The following MCC variants were observed in gnomAD, a reference collection of about 807,000 sequenced individuals.
MCC encodes the protein MCC regulator of Wnt signaling pathway.
In MCC, 90 loss-of-function variants were observed where a neutral mutation model predicts 116.2. The observed-to-expected ratio is 0.77, with a 90% confidence interval of 0.65 to 0.92. MCC has a LOEUF of 0.92. Among genes scored for constraint, MCC ranks in the 40% least tolerant of loss-of-function variants. MCC has a pLI of 0.00. For missense variants in MCC, 1,516 were observed against 1,312.2 expected (o/e 1.16, Z -2.40); for synonymous variants, 578 against 510.5 (o/e 1.13, Z -1.78).
At chr5:113,480,809 C>T (rs1365192705) in intron 1 of MCC, among the ~76,000 whole-genome samples, 1 of 152,120 alleles carries the variant, frequency 6.6e-6, no homozygotes, top group African/African-American at 2.4e-5. Context: ...CAGTGTCTTG[C>T]TCTGTTGCCC....
intron 5 of MCC, among the ~76,000 whole-genome samples, chr5:113,127,365 C>CAAGTA (rs1758119122): frequency 2.0e-5 from 3 of 152,108 alleles, no homozygotes; most frequent in Non-Finnish European, 2.9e-5. Flanking sequence ...TGGTATATAC[C>CAAGTA]CAGTAATGTG....
chr5:113,145,626 C>T (rs567822899), intron 4 of MCC, among the ~76,000 whole-genome samples: 1 of 152,226 alleles, frequency 6.6e-6, no homozygotes, highest in East Asian at 1.9e-4. Context: ...CTTCAGCATC[C>T]CTACTGACTG....
At chr5:113,433,805 G>A in intron 1 of MCC, 1 of 1,613,894 alleles carries the variant, frequency 6.2e-7, no homozygotes, top group East Asian at 2.2e-5. Flanking sequence ...ACGGCTTGCT[G>A]GGGAAACCCA....
chr5:113,263,037 T>C (rs1765272593), intron 3 of MCC, among the ~76,000 whole-genome samples: 1 of 151,854 alleles, frequency 6.6e-6, no homozygotes, highest in Non-Finnish European at 1.5e-5. Flanking sequence ...TTCCTACTTG[T>C]ATATTTTTCT....
intron 3 of MCC, among the ~76,000 whole-genome samples, chr5:113,307,296 GTT>G (rs1767012976): frequency 6.6e-6 from 1 of 152,050 alleles, no homozygotes; most frequent in Non-Finnish European, 1.5e-5. Context: ...GTGTCTTTTC[GTT>G]TACTTAAGTT....
In MCC at chr5:113,434,067, T is replaced by A; in HGVS notation, c.171-48855A>T. ...GATCTCGTCGATGTGGAGCCGCCGG[T>A]TGACGTCGGGCTGCAGCATGTGGTA... On this transcript the variant is annotated intron_variant, in intron 1 of 18. Transcript: ENST00000408903. The surrounding 1 kb of genome is among the most constrained non-coding windows in gnomAD (Gnocchi z 4.2). The A allele has an allele frequency of 6.2e-7, 1 of 1,614,130 alleles. No individual in the cohort carries two copies. The highest frequency in any genetic ancestry group is 1.1e-5 in the South Asian group (1 of 91,086).
chr5:113,322,050 T>C (rs1174733867), intron 3 of MCC, among the ~76,000 whole-genome samples: 1 of 152,188 alleles, frequency 6.6e-6, no homozygotes, highest in Non-Finnish European at 1.5e-5. Context: ...CAGGCTGGTC[T>C]CAAACTCCTG....
chr5:113,247,873 C>T (rs1764635630), intron 3 of MCC, among the ~76,000 whole-genome samples: 2 of 152,142 alleles, frequency 1.3e-5, no homozygotes, highest in African/African-American at 4.8e-5. Context: ...GAAGATATAT[C>T]CAACAGCCAT....
At chr5:113,337,160 C>T (rs1008731208) in intron 3 of MCC, among the ~76,000 whole-genome samples, 6 of 152,128 alleles carry the variant, frequency 3.9e-5, no homozygotes, top group Non-Finnish European at 7.3e-5. Context: ...GGTGGGTAGG[C>T]GCCAGCAGCA....
intron 3 of MCC, among the ~76,000 whole-genome samples, chr5:113,221,647 T>C (rs2150329361): frequency 6.6e-6 from 1 of 152,358 alleles, no homozygotes; most frequent in African/African-American, 2.4e-5. Context: ...CTGCACTCCA[T>C]GGATCAGCTG....
intron 11 of MCC, among the ~76,000 whole-genome samples, chr5:113,081,726 C>T (rs62374681): frequency 2.6e-5 from 4 of 151,996 alleles, no homozygotes; most frequent in African/African-American, 7.3e-5. Flanking sequence ...CTTAAGTATT[C>T]TGGATTTAAT....
intron 3 of MCC, among the ~76,000 whole-genome samples, chr5:113,235,666 C>G (rs1764102207): frequency 6.6e-6 from 1 of 152,196 alleles, no homozygotes; most frequent in South Asian, 2.1e-4. Flanking sequence ...CAAGGAGATT[C>G]AGTACTTGGA....
chr5:113,415,424 C>A (rs1401710393), intron 1 of MCC, among the ~76,000 whole-genome samples: 1 of 152,180 alleles, frequency 6.6e-6, no homozygotes, highest in Non-Finnish European at 1.5e-5. Context: ...TAGATTTGGT[C>A]TTTTCACATA....
intron 1 of MCC, among the ~76,000 whole-genome samples, chr5:113,472,075 A>G (rs1226703159): frequency 2.6e-5 from 4 of 152,076 alleles, no homozygotes; most frequent in Non-Finnish European, 5.9e-5. Context: ...CCTTTCTTTG[A>G]CTAGGAGAGG....
At chr5:113,405,766 C>T (rs1230018824) in intron 1 of MCC, among the ~76,000 whole-genome samples, 1 of 151,256 alleles carries the variant, frequency 6.6e-6, no homozygotes, top group African/African-American at 2.4e-5. Flanking sequence ...ATGATGGCAC[C>T]ACTCCACTCC....
rs192887086 is a variant in MCC at position 113,154,244 on chromosome 5, T to A, written c.628-2822A>T. Among the ~76,000 whole-genome samples, 7 of 152,350 alleles carry A rather than the reference T, an allele frequency of 4.6e-5. No homozygotes were observed. In the East Asian group the frequency reaches 1.4e-3, roughly 29 times the overall value. On this transcript the variant is annotated intron_variant, in intron 3 of 18. Coordinates refer to ENST00000408903, the MANE Select transcript of MCC (RefSeq NM_001085377.2). ...AGCATAAATATTGTACAGGGTTATT[T>A]TGCTTCCTTGCTGCAGTCTGTCCAC...
At position 113,023,663 on chromosome 5, in the gene MCC, TGGGAC is replaced by T. The variant is rs1750319466; in HGVS notation, c.*3634_*3638del. On this transcript the variant is annotated 3_prime_UTR_variant, in exon 19 of 19. Transcript: ENST00000408903. ...GCTGTAAATAGTTTAATAGAATGAT[TGGGAC>T]ATACTCCCAATTAAGAATTTGCAAA... The T allele has an allele frequency of 1.3e-5, 2 of 152,250 alleles. No individual in the cohort carries two copies. Among genetic ancestry groups the T allele is most frequent in the Admixed American group, 1.3e-4 (2 of 15,286 alleles). 9.4% of individuals were successfully genotyped at this position (152,250 alleles called of 1,614,324 possible).
At chr5:113,353,713 C>G (rs1272654091) in intron 2 of MCC, among the ~76,000 whole-genome samples, 1 of 152,226 alleles carries the variant, frequency 6.6e-6, no homozygotes, top group Non-Finnish European at 1.5e-5. Flanking sequence ...CTATACCAGT[C>G]TATACTGGTC....
At chr5:113,155,893 C>T (rs1046785402) in intron 3 of MCC, among the ~76,000 whole-genome samples, 2 of 152,148 alleles carry the variant, frequency 1.3e-5, no homozygotes, top group African/African-American at 4.8e-5. Context: ...GTGTAGTTTG[C>T]GCTAGGTATA....
Sources: gnomAD v4.1 joint callset for allele counts (sites outside exome capture counted in the v4.1 genomes callset) on GRCh38, gnomAD v4.1.1 for gene constraint, Gnocchi (gnomAD v3.1) non-coding constraint, MANE v1.5 for transcripts, NCBI Gene and HGNC (gene_info 2026-07-23, HGNC 2026-07-21) for gene names.